AAK1: variants seen among roughly 807,000 people sequenced by gnomAD.
AAK1 encodes AP2 associated kinase 1.
A neutral mutation model predicts 116.0 loss-of-function variants in AAK1; 37 were observed. That is an observed-to-expected ratio of 0.32 (90% CI 0.25 to 0.42). AAK1 has a LOEUF of 0.42. Among genes scored for constraint, AAK1 ranks in the 10% least tolerant of loss-of-function variants. The pLI, the probability that AAK1 is intolerant of heterozygous loss-of-function variation, is 1.00. For synonymous variants in AAK1, 458 were observed against 439.9 expected, an observed-to-expected ratio of 1.04 and a Z score of -0.51; for missense variants, 919 against 1,170.6, an observed-to-expected ratio of 0.79 and a Z score of 3.14.
At position 69,636,927 on chromosome 2, in the gene AAK1, T is replaced by G. The variant is rs547208477; in HGVS notation, c.163+5951A>C. Among the ~76,000 whole-genome samples, 6 of 152,294 alleles carry G rather than the reference T, an allele frequency of 3.9e-5. No individual in the cohort carries two copies. In the South Asian group the frequency reaches 1.2e-3, roughly 32 times the overall value. On this transcript the variant is annotated intron_variant, in intron 2 of 21. Transcript: ENST00000409085. ...GTTGGCCAGGCTGGTCTCAAACTCC[T>G]GACCTCAGGTGATCCATCTGCCTCA...
chr2:69,622,150 G>C (rs972832282), intron 2 of AAK1, among the ~76,000 whole-genome samples: 5 of 152,248 alleles, frequency 3.3e-5, no homozygotes, highest in Non-Finnish European at 7.3e-5. Context: ...CCAGGTGGGC[G>C]TGGGCTTGGT....
Position 69,468,334 on chromosome 2 carries a change from G to C in AAK1, c.*7535C>G, listed in dbSNP as rs993709931. ...TTCTGGGAGGAAATTCAAATAAAAG[G>C]GAGAAAAATAAGTTTTCCAAAATAA... On this transcript the variant is annotated 3_prime_UTR_variant, in exon 22 of 22. Transcript: ENST00000409085. 7.1e-6 allele frequency: 7 copies of C among 985,152 alleles called. No individual in the cohort carries two copies. The Admixed American group carries it at 4.3e-4, about 61-fold the overall frequency. The allele number at this position is 985,152 out of a possible 1,614,324, so 61.0% of individuals were successfully genotyped here.
intron 2 of AAK1, among the ~76,000 whole-genome samples, chr2:69,599,970 C>CA (rs1471470666): frequency 6.9e-6 from 1 of 144,382 alleles, no homozygotes. Flanking sequence ...TTTGTAGAGA[C>CA]AGAGTCTCAC....
chr2:69,504,083 G>T (rs964109418), intron 16 of AAK1, among the ~76,000 whole-genome samples: 1 of 151,864 alleles, frequency 6.6e-6, no homozygotes, highest in Non-Finnish European at 1.5e-5. Flanking sequence ...AAAAAATTAG[G>T]CTTCAAAATA....
intron 2 of AAK1, among the ~76,000 whole-genome samples, chr2:69,639,099 G>C (rs1355427983): frequency 6.6e-6 from 1 of 152,140 alleles, no homozygotes; most frequent in Non-Finnish European, 1.5e-5. Context: ...TGGACATTTG[G>C]TACTTCTCAT....
chr2:69,490,184 C>T (rs1335502637), intron 17 of AAK1, among the ~76,000 whole-genome samples: 2 of 152,168 alleles, frequency 1.3e-5, no homozygotes, highest in African/African-American at 2.4e-5. Flanking sequence ...TTATAAAGAT[C>T]GTTTCCTCAA....
intron 19 of AAK1, among the ~76,000 whole-genome samples, chr2:69,480,274 A>G (rs1395723132): frequency 1.3e-5 from 2 of 152,046 alleles, no homozygotes; most frequent in South Asian, 4.1e-4. Flanking sequence ...AAAAAAAAAA[A>G]AAGAAGAAGG....
Position 69,530,093 on chromosome 2 carries a change from A to G in AAK1, c.786T>C (p.Phe262=). 6.2e-7 allele frequency: 1 copy of G among 1,611,312 alleles called. No homozygotes were observed. The highest frequency in any genetic ancestry group is 1.1e-5 in the South Asian group (1 of 90,230). Residue 262 remains phenylalanine, a synonymous_variant, in exon 8 of 22, where the codon TTT becomes TTC. Coordinates refer to ENST00000409085, the MANE Select transcript of AAK1 (RefSeq NM_014911.5). ...LYKLCYFTLP[F]GESQVAICDG... Reference sequence around the variant, plus strand: ...CACAAATTGCCACCTGACTTTCCCCAAATGGCAAAGTGAAGTAGCATAATT... The same window carrying G: ...CACAAATTGCCACCTGACTTTCCCCGAATGGCAAAGTGAAGTAGCATAATT...
Position 69,468,649 on chromosome 2 carries a change from T to A in AAK1, c.*7220A>T. On this transcript the variant is annotated 3_prime_UTR_variant, in exon 22 of 22. Transcript: ENST00000409085. ...GAACAGAGTCAGTGTTTTTTGGAAA[T>A]TTAAACTGAATTCAGTTAAAACAAT... 2.0e-6 allele frequency: 2 copies of A among 985,416 alleles called. No homozygotes were observed. Among genetic ancestry groups the A allele is most frequent in the South Asian group, 9.4e-5 (2 of 21,284 alleles). 61.0% of individuals were successfully genotyped at this position (985,416 alleles called of 1,614,324 possible).
At position 69,536,454 on chromosome 2, in the gene AAK1, G is replaced by T. The variant is rs146322056; in HGVS notation, c.535-4292C>A. Among the ~76,000 whole-genome samples, 619 of 152,296 alleles carry T rather than the reference G, an allele frequency of 4.1e-3. 4 individuals carry two copies. Among genetic ancestry groups the T allele is most frequent in the African/African-American group, 0.014 (582 of 41,560 alleles). ...AATCAACAGGGATGGAAGTAAGCAG[G>T]TGTGAATAGATTATGTGAGATTAAG... On this transcript the variant is annotated intron_variant, in intron 5 of 21. Coordinates refer to ENST00000409085, the MANE Select transcript of AAK1 (RefSeq NM_014911.5).
At chr2:69,526,858 A>T (rs1265024713) in intron 9 of AAK1, among the ~76,000 whole-genome samples, 1 of 152,176 alleles carries the variant, frequency 6.6e-6, no homozygotes. Context: ...TGTCCAAGGC[A>T]TTGCCTCGGG....
At chr2:69,500,924 C>G (rs1227079413) in intron 16 of AAK1, among the ~76,000 whole-genome samples, 1 of 151,914 alleles carries the variant, frequency 6.6e-6, no homozygotes, top group Non-Finnish European at 1.5e-5. Flanking sequence ...ATTGTTAACG[C>G]TGCTGAATCC....
intron 2 of AAK1, among the ~76,000 whole-genome samples, chr2:69,621,537 C>T (rs1216365745): frequency 1.3e-5 from 2 of 151,842 alleles, no homozygotes; most frequent in African/African-American, 4.8e-5. Context: ...ATGAGATGAA[C>T]AGAAGCCCTA....
At chr2:69,552,979 T>C (rs1403906319) in intron 3 of AAK1, among the ~76,000 whole-genome samples, 2 of 151,966 alleles carry the variant, frequency 1.3e-5, no homozygotes, top group African/African-American at 2.4e-5. Flanking sequence ...ATCTGGAATG[T>C]GGAGCAAAAT....
rs1464580376 is a variant in AAK1 at position 69,480,259 on chromosome 2, A to AC, written c.2569+600dup. Among the ~76,000 whole-genome samples, 30 of 145,192 alleles carry AC rather than the reference A, an allele frequency of 2.1e-4. No individual in the cohort carries two copies. In the South Asian group the frequency reaches 3.4e-3, roughly 17 times the overall value. On this transcript the variant is annotated intron_variant, in intron 19 of 21. Coordinates refer to ENST00000409085, the MANE Select transcript of AAK1 (RefSeq NM_014911.5). ...GATACTTTTATCAAGGGAATTATGG[A>AC]CAAAAAAAAAAAAAAAAGAAGAAGG... is the stretch of plus-strand genomic sequence containing the variant.
chr2:69,594,261 C>T (rs952061770), intron 2 of AAK1, among the ~76,000 whole-genome samples: 1 of 152,126 alleles, frequency 6.6e-6, no homozygotes, highest in African/African-American at 2.4e-5. Flanking sequence ...AAGACATATG[C>T]CCATGGACAT....
intron 15 of AAK1, among the ~76,000 whole-genome samples, chr2:69,506,868 CTGTGTGTGTG>C (rs10531990): frequency 1.3e-5 from 2 of 149,352 alleles, no homozygotes; most frequent in Admixed American, 6.6e-5. Flanking sequence ...GTGCATGTGC[CTGTGTGTGTG>C]TGTGTGTGTG....
At chr2:69,611,525 A>G (rs1164106971) in intron 2 of AAK1, among the ~76,000 whole-genome samples, 1 of 152,196 alleles carries the variant, frequency 6.6e-6, no homozygotes, top group Non-Finnish European at 1.5e-5. Context: ...TCTCTCCCCG[A>G]GCTTGCAGAT....
rs1431574694 is a variant in AAK1, at chr2:69,474,855, G to A, written c.*1014C>T. On this transcript the variant is annotated 3_prime_UTR_variant, in exon 22 of 22. Transcript: ENST00000409085. ...TGATATCAGACTTGAAATGCCAAGT[G>A]GAAACAGAACTATTCAGCATCTTCA... 1.0e-6 allele frequency: 1 copy of A among 985,580 alleles called. No individual in the cohort carries two copies. Among genetic ancestry groups the A allele is most frequent in the Non-Finnish European group, 1.2e-6 (1 of 829,854 alleles). 61.1% of individuals were successfully genotyped at this position (985,580 alleles called of 1,614,324 possible). A position where few individuals can be genotyped will look rare whatever the true frequency, so the allele number is the denominator to read the frequency against.
Sources: allele counts gnomAD v4.1 joint callset (sites outside exome capture counted in the v4.1 genomes callset), GRCh38; gene constraint gnomAD v4.1.1; transcripts MANE v1.5; gene names NCBI Gene and HGNC (gene_info 2026-07-23, HGNC 2026-07-21).